Variants in CD96 observed in about 807,000 individuals in gnomAD.
CD96 encodes CD96 molecule, also known as T-cell surface protein tactile.
A neutral mutation model predicts 71.3 loss-of-function variants in CD96; 70 were observed. The ratio of observed to expected loss-of-function variants is 0.98; its 90% CI spans 0.81 to 1.20. The LOEUF (loss-of-function observed/expected upper bound fraction) is 1.20. Ranked by LOEUF, CD96 falls within the 50% of genes most tolerant of loss-of-function variation. The pLI, the probability that CD96 is intolerant of heterozygous loss-of-function variation, is 0.00. For synonymous variants in CD96, 248 were observed against 233.0 expected, an observed-to-expected ratio of 1.06 and a Z score of -0.59; for missense variants, 742 against 677.5, an observed-to-expected ratio of 1.10 and a Z score of -1.06.
chr3:111,648,498 C>A (rs1939937603), intron 13 of CD96, among the ~76,000 whole-genome samples: 1 of 152,114 alleles, frequency 6.6e-6, no homozygotes, highest in Non-Finnish European at 1.5e-5. Context: ...ATTTGGCCAC[C>A]ACATGACCTT....
chr3:111,625,447 G>T (rs1223063211), intron 10 of CD96, among the ~76,000 whole-genome samples: 1 of 152,112 alleles, frequency 6.6e-6, no homozygotes, highest in Non-Finnish European at 1.5e-5. Flanking sequence ...GTATTCAGAA[G>T]GGGGAGCATA....
intron 5 of CD96, chr3:111,593,577 G>A (rs769800049): frequency 1.3e-6 from 2 of 1,540,732 alleles, no homozygotes; most frequent in Admixed American, 2.0e-5. Flanking sequence ...ACTGCTGCAG[G>A]CAGCTCTTTC....
chr3:111,658,976 T>C (rs546459498), intron 14 of CD96, among the ~76,000 whole-genome samples: 68 of 152,314 alleles, frequency 4.5e-4, no homozygotes, highest in African/African-American at 1.6e-3. Flanking sequence ...CAGTTCTTTG[T>C]ACATCTGGTA....
chr3:111,618,582 C>T lies in CD96; in HGVS notation c.1181-5172C>T, dbSNP rs1338783979. 7.0e-4 allele frequency among the ~76,000 whole-genome samples: 87 copies of T among 123,992 alleles called. 1 individual carries two copies. The highest frequency in any genetic ancestry group is 4.1e-3 in the Middle Eastern group (1 of 242). 81.3% of individuals were successfully genotyped at this position (123,992 alleles called of 152,430 possible). A position where few individuals can be genotyped will look rare whatever the true frequency, so the allele number is the denominator to read the frequency against. On this transcript the variant is annotated intron_variant, in intron 8 of 13. Transcript: ENST00000352690. ...AAACAATGACCAAATTTATTTCTCTCTTTTTTTTTTTTTTTTTTTTGAGAC... is the reference window on the plus strand; with the variant it reads ...AAACAATGACCAAATTTATTTCTCTTTTTTTTTTTTTTTTTTTTTTGAGAC...
At chr3:111,662,023 T>C (rs1291248612) in intron 14 of CD96, among the ~76,000 whole-genome samples, 2 of 152,254 alleles carry the variant, frequency 1.3e-5, no homozygotes, top group Non-Finnish European at 2.9e-5. Flanking sequence ...GGCATTTTCG[T>C]ACATTCTTTG....
intron 12 of CD96, among the ~76,000 whole-genome samples, chr3:111,647,270 A>T (rs1025938849): frequency 6.6e-5 from 10 of 152,070 alleles, no homozygotes; most frequent in African/African-American, 2.4e-4. Flanking sequence ...AATAGTGTGT[A>T]TAATATGCCC....
rs143262468 is a variant in CD96 at position 111,647,580 on chromosome 3, G to T, written c.1515G>T (p.Trp505Cys). The change falls in exon 13 of 14, where the codon TGG becomes TGT. Residue 505 changes from tryptophan (W) to cysteine (C), a missense_variant. By Grantham distance (215) the Trp-to-Cys change is radical. Transcript: ENST00000352690. ...VVNKPKDGMS[W>C]PVIVAALLFC... ...ATAAGCCCAAAGATGGAATGTCCTG[G>T]CCAGTGATTGTAGCAGCTTTACTCT... 2.5e-5 allele frequency: 40 copies of T among 1,611,756 alleles called. No homozygotes were observed. The highest frequency in any genetic ancestry group is 3.3e-5 in the Non-Finnish European group (39 of 1,178,046).
intron 1 of CD96, among the ~76,000 whole-genome samples, chr3:111,544,156 G>GT (rs1020446446): frequency 7.3e-5 from 11 of 151,170 alleles, no homozygotes; most frequent in Non-Finnish European, 1.6e-4. Context: ...TTCGTTTTTC[G>GT]TTTTTTTGAG....
chr3:111,607,088 A>G (rs1937655834), intron 8 of CD96: 1 of 411,542 alleles, frequency 2.4e-6, no homozygotes, highest in East Asian at 4.9e-5. Context: ...ATATTAAAGT[A>G]TCATTCTCAT....
At chr3:111,635,241 CAT>C (rs961374820) in intron 10 of CD96, among the ~76,000 whole-genome samples, 5 of 152,260 alleles carry the variant, frequency 3.3e-5, no homozygotes, top group Middle Eastern at 3.4e-3. Context: ...TGTTTTCAGA[CAT>C]GTGGAATCCA....
intron 10 of CD96, among the ~76,000 whole-genome samples, chr3:111,630,031 A>G (rs979768521): frequency 6.6e-6 from 1 of 152,330 alleles, no homozygotes; most frequent in East Asian, 1.9e-4. Context: ...AAGGAAATCG[A>G]TAGCACTAAA....
At chr3:111,662,364 A>G (rs781340005) in intron 14 of CD96, among the ~76,000 whole-genome samples, 2 of 152,210 alleles carry the variant, frequency 1.3e-5, no homozygotes, top group Non-Finnish European at 2.9e-5. Context: ...ATTAACATTC[A>G]GCTCTTCTTT....
intron 10 of CD96, among the ~76,000 whole-genome samples, chr3:111,626,708 A>T (rs1413426365): frequency 2.0e-5 from 3 of 152,248 alleles, no homozygotes; most frequent in African/African-American, 7.2e-5. Flanking sequence ...ACAGATAAAT[A>T]AATTGTAGTA....
At chr3:111,630,317 A>T (rs992528245) in intron 10 of CD96, among the ~76,000 whole-genome samples, 3 of 152,178 alleles carry the variant, frequency 2.0e-5, no homozygotes, top group African/African-American at 7.2e-5. Flanking sequence ...CAGAAATTAT[A>T]AGAGGGATAT....
Position 111,606,758 on chromosome 3 carries a change from C to T in CD96, c.1146C>T (p.Thr382=). The change falls in exon 8 of 14, where the codon ACC becomes ACT. Residue 382 remains threonine (T), a synonymous_variant. Transcript: ENST00000352690. The stretch of plus-strand genomic sequence containing the variant: ...GTGTTACAGAATCTACCCTTGACAC[C>T]CAACCTTCTCCAGCCAGCAGTGTAT... ...PLSVTESTLD[T]QPSPASSVSP... 6.2e-7 allele frequency: 1 copy of T among 1,604,126 alleles called. No individual in the cohort carries two copies. The highest frequency in any genetic ancestry group is 8.5e-7 in the Non-Finnish European group (1 of 1,170,896).
chr3:111,563,561 G>C (rs1935558645), intron 2 of CD96, among the ~76,000 whole-genome samples: 1 of 152,124 alleles, frequency 6.6e-6, no homozygotes, highest in African/African-American at 2.4e-5. Context: ...ACTACCTTTA[G>C]TCAATTTCCA....
At chr3:111,589,868 C>G (rs546628090) in intron 5 of CD96, among the ~76,000 whole-genome samples, 5 of 152,352 alleles carry the variant, frequency 3.3e-5, no homozygotes, top group African/African-American at 1.2e-4. Flanking sequence ...AACTACTTAG[C>G]TGGTTACATA....
intron 3 of CD96, chr3:111,577,358 T>C: frequency 1.3e-6 from 1 of 754,604 alleles, no homozygotes; most frequent in Non-Finnish European, 2.5e-6. Context: ...GCCTTCTTAA[T>C]TATTGACCTC....
At position 111,625,426 on chromosome 3, in the gene CD96, T is replaced by C. The variant is rs74881937; in HGVS notation, c.1321+1022T>C. ...TGAACCCAGTACCCAAATATAAGAA[T>C]TGAAAAGACAGTATTCAGAAGGGGG... On this transcript the variant is annotated intron_variant, in intron 10 of 13. Transcript: ENST00000352690. Among the ~76,000 whole-genome samples the C allele has an allele frequency of 7.9e-3, 1,202 of 152,102 alleles. 18 individuals are homozygous for C. Among genetic ancestry groups the C allele is most frequent in the African/African-American group, 0.027 (1,115 of 41,488 alleles).
Sources: gnomAD v4.1 joint callset for allele counts (sites outside exome capture counted in the v4.1 genomes callset) on GRCh38, gnomAD v4.1.1 for gene constraint, MANE v1.5 for transcripts, NCBI Gene and HGNC (gene_info 2026-07-23, HGNC 2026-07-21) for gene names.